The following SPHKAP variants were observed in gnomAD, a reference collection of about 807,000 sequenced individuals.
The protein encoded by SPHKAP is SPHK1 interactor, AKAP domain containing, also known as A-kinase anchor protein SPHKAP.
SPHKAP carries 67 observed loss-of-function variants against 137.5 expected under a neutral mutation model. The observed-to-expected ratio is 0.49, with a 90% CI of 0.40 to 0.60. The LOEUF is 0.60. Among genes scored for constraint, SPHKAP ranks in the 20% least tolerant of loss-of-function variants. The pLI, the probability that SPHKAP is intolerant of heterozygous loss-of-function variation, is 0.00. For missense variants in SPHKAP, 2,097 were observed against 2,069.3 expected, an observed-to-expected ratio of 1.01 and a Z score of -0.26; for synonymous variants, 813 against 785.3, an observed-to-expected ratio of 1.04 and a Z score of -0.59.
chr2:228,017,352 A>C lies in SPHKAP; in HGVS notation c.3502T>G (p.Cys1168Gly), dbSNP rs749976836. The C allele has an allele frequency of 6.2e-7, 1 of 1,613,784 alleles. No individual in the cohort carries two copies. The highest frequency in any genetic ancestry group is 8.5e-7 in the Non-Finnish European group (1 of 1,179,854). ...SILNSAMQQA[C>G]RKSDHLSVRP... is the part of the protein sequence containing the mutation. ...ACACTGAGGTGGTCACTTTTCCGGC[A>C]CGCCTGTTGCATGGCTGAGTTCAGA... The change falls in exon 7 of 12, where the codon TGC becomes GGC. Residue 1168 changes from cysteine (C) to glycine (G), a missense_variant. Transcript: ENST00000392056.
At chr2:228,014,344 T>C (rs1366469427) in intron 7 of SPHKAP, among the ~76,000 whole-genome samples, 1 of 152,226 alleles carries the variant, frequency 6.6e-6, no homozygotes, top group Non-Finnish European at 1.5e-5. Flanking sequence ...GAATTACACA[T>C]GAGCTAATTT....
intron 1 of SPHKAP, among the ~76,000 whole-genome samples, chr2:228,148,845 A>T (rs1188383586): frequency 6.6e-6 from 1 of 152,212 alleles, no homozygotes; most frequent in Non-Finnish European, 1.5e-5. Context: ...TTTTAGTATT[A>T]TTTAAGAGGA....
intron 1 of SPHKAP, among the ~76,000 whole-genome samples, chr2:228,132,843 C>CAAAAAA (rs1313392929): frequency 3.9e-4 from 49 of 126,258 alleles, no homozygotes; most frequent in East Asian, 7.7e-4. Flanking sequence ...ACTAAAAATA[C>CAAAAAA]AAAAAAAAAA....
rs567668781 is a variant in SPHKAP at position 228,045,540 on chromosome 2, T to C, written c.247-17997A>G. Among the ~76,000 whole-genome samples the C allele has an allele frequency of 5.9e-5, 9 of 151,800 alleles. No individual in the cohort carries two copies. The South Asian group carries it at 1.0e-3, about 18-fold the overall frequency. On this transcript the variant is annotated intron_variant, in intron 3 of 11. Coordinates refer to ENST00000392056, the MANE Select transcript of SPHKAP (RefSeq NM_001142644.2). Reference sequence around the variant, plus strand: ...ACATGTTCTCACTCATAGGTGGGAATTGAACAATGAGAACACATGGACACA... The same window carrying C: ...ACATGTTCTCACTCATAGGTGGGAACTGAACAATGAGAACACATGGACACA...
intron 3 of SPHKAP, among the ~76,000 whole-genome samples, chr2:228,038,618 T>C (rs539719254): frequency 5.5e-4 from 84 of 152,340 alleles, no homozygotes; most frequent in African/African-American, 1.9e-3. Context: ...TTTTTAAGTA[T>C]GTATTTTTAC....
chr2:228,145,328 C>T (rs1471310348), intron 1 of SPHKAP, among the ~76,000 whole-genome samples: 1 of 152,070 alleles, frequency 6.6e-6, no homozygotes, highest in Non-Finnish European at 1.5e-5. Flanking sequence ...GCCCTTTGTT[C>T]GATTTACTGT....
intron 5 of SPHKAP, 51 bp from the exon 6 acceptor site, chr2:228,022,017 CTA>C (rs1420039414): frequency 2.0e-6 from 3 of 1,517,076 alleles, no homozygotes; most frequent in Admixed American, 2.2e-5. Context: ...AAATAAAAGA[CTA>C]TTGCCTCTGA....
chr2:228,173,415 G>A (rs1474075598), intron 1 of SPHKAP, among the ~76,000 whole-genome samples: 3 of 152,172 alleles, frequency 2.0e-5, no homozygotes, highest in South Asian at 2.1e-4. Context: ...AAGTTTACTA[G>A]CCAGCTGATC....
At chr2:228,043,658 T>C (rs1399178786) in intron 3 of SPHKAP, among the ~76,000 whole-genome samples, 1 of 152,194 alleles carries the variant, frequency 6.6e-6, no homozygotes, top group Admixed American at 6.5e-5. Context: ...GTTAAAAAGC[T>C]AATCAAATAA....
At chr2:228,050,880 C>T (rs1188269455) in intron 3 of SPHKAP, among the ~76,000 whole-genome samples, 2 of 152,098 alleles carry the variant, frequency 1.3e-5, no homozygotes, top group South Asian at 2.1e-4. Context: ...AATCTTGGCT[C>T]ACTGCAGCCT....
rs1260513838 is a variant in SPHKAP, at chr2:228,181,539, A to C, written c.32+28T>G. 1.2e-6 allele frequency: 2 copies of C among 1,613,976 alleles called. No homozygotes were observed. The highest frequency in any genetic ancestry group is 1.1e-5 in the South Asian group (1 of 91,084). On this transcript the variant is annotated intron_variant, in intron 1 of 11. Transcript: ENST00000392056. This position sits in a 1 kb window ranked among gnomAD's most constrained non-coding sequence, Gnocchi z 4.3. ...CGGAACGGAGTTTGATCGACATGGTATTGGGCATAGAAAGAAGCGGGTCTT... is the reference window on the plus strand; with the variant it reads ...CGGAACGGAGTTTGATCGACATGGTCTTGGGCATAGAAAGAAGCGGGTCTT...
At chr2:228,027,233 A>G (rs1323779460) in intron 4 of SPHKAP, among the ~76,000 whole-genome samples, 3 of 152,198 alleles carry the variant, frequency 2.0e-5, no homozygotes, top group Admixed American at 2.0e-4. Context: ...ACAAATAGTC[A>G]TTTTAAGGCA....
At chr2:228,170,402 T>C (rs902885176) in intron 1 of SPHKAP, among the ~76,000 whole-genome samples, 1 of 152,114 alleles carries the variant, frequency 6.6e-6, no homozygotes, top group Non-Finnish European at 1.5e-5. Flanking sequence ...ATGGGCAAAA[T>C]GCTATCAAAC....
intron 1 of SPHKAP, among the ~76,000 whole-genome samples, chr2:228,169,086 A>T (rs1036624332): frequency 6.6e-6 from 1 of 152,174 alleles, no homozygotes; most frequent in African/African-American, 2.4e-5. Context: ...GAAAAGTTTG[A>T]AGCCAGCAGA....
intron 7 of SPHKAP, 108 bp from the exon 8 acceptor site, chr2:227,995,802 A>T: frequency 7.4e-7 from 1 of 1,347,470 alleles, no homozygotes; most frequent in South Asian, 1.6e-5. Flanking sequence ...GTCACTGGAC[A>T]CAGGCAGAGT....
chr2:228,109,017 T>TC (rs1195245947), intron 2 of SPHKAP, 78 bp from the exon 3 acceptor site: 3 of 1,016,696 alleles, frequency 3.0e-6, no homozygotes, highest in South Asian at 3.8e-5. Flanking sequence ...CTTTTTTTTT[T>TC]TTCTTATAAA....
At chr2:228,035,521 GA>G (rs1695552755) in intron 3 of SPHKAP, among the ~76,000 whole-genome samples, 1 of 151,928 alleles carries the variant, frequency 6.6e-6, no homozygotes, top group Non-Finnish European at 1.5e-5. Context: ...CACAGAATTG[GA>G]AAAAACTACT....
chr2:228,075,592 T>C (rs1697154318), intron 3 of SPHKAP, among the ~76,000 whole-genome samples: 1 of 152,050 alleles, frequency 6.6e-6, no homozygotes, highest in Non-Finnish European at 1.5e-5. Context: ...AATTACAGTT[T>C]AGAGAAAAAA....
chr2:228,049,429 T>C (rs1271921215), intron 3 of SPHKAP, among the ~76,000 whole-genome samples: 1 of 152,248 alleles, frequency 6.6e-6, no homozygotes, highest in African/African-American at 2.4e-5. Flanking sequence ...CTGTTGTTTA[T>C]TGATCACAAA....
Sources: gnomAD v4.1 joint callset for allele counts (sites outside exome capture counted in the v4.1 genomes callset) on GRCh38, gnomAD v4.1.1 for gene constraint, Gnocchi (gnomAD v3.1) non-coding constraint, MANE v1.5 for transcripts, NCBI Gene and HGNC (gene_info 2026-07-23, HGNC 2026-07-21) for gene names.